APP: variants seen among roughly 807,000 people sequenced by gnomAD.
APP encodes amyloid beta precursor protein, also known as amyloid-beta precursor protein.
In APP, 31 loss-of-function variants were observed where a neutral mutation model predicts 101.4. The observed-to-expected ratio is 0.31, with a 90% confidence interval of 0.23 to 0.41. APP has a LOEUF of 0.41. Among genes scored for constraint, APP ranks in the 10% least tolerant of loss-of-function variants. The pLI is 1.00. For synonymous variants in APP, 366 were observed against 364.4 expected, an observed-to-expected ratio of 1.00 and a Z score of -0.05; for missense variants, 839 against 1,003.7, an observed-to-expected ratio of 0.84 and a Z score of 2.22.
chr21:26,035,024 G>A (rs749985130), intron 5 of APP, among the ~76,000 whole-genome samples: 1 of 152,146 alleles, frequency 6.6e-6, no homozygotes, highest in Non-Finnish European at 1.5e-5. Context: ...GGTGGCTCAT[G>A]CCTGTAATTC....
intron 6 of APP, among the ~76,000 whole-genome samples, chr21:26,001,645 T>C (rs2043299488): frequency 6.6e-6 from 1 of 152,212 alleles, no homozygotes; most frequent in Admixed American, 6.5e-5. Flanking sequence ...ATTACCCTTG[T>C]ACCAGCACGC....
intron 1 of APP, among the ~76,000 whole-genome samples, chr21:26,139,137 G>C (rs977191448): frequency 6.6e-6 from 1 of 152,032 alleles, no homozygotes; most frequent in East Asian, 1.9e-4. Context: ...CATTACGTAA[G>C]GGATGAGAAA....
At chr21:26,170,780 G>A (rs145958140), upstream of APP, 266 of 761,408 alleles carry the variant, frequency 3.5e-4, 1 homozygote, top group African/African-American at 4.6e-3. Context: ...CGGAGCCCGA[G>A]CGCGGCGGCG....
At chr21:26,069,126 C>T (rs1002954190) in intron 3 of APP, among the ~76,000 whole-genome samples, 4 of 152,058 alleles carry the variant, frequency 2.6e-5, no homozygotes, top group Non-Finnish European at 4.4e-5. Flanking sequence ...GTTGTAGAAC[C>T]CAACCAATAT....
chr21:25,890,534 A>T (rs1180068160), intron 17 of APP, among the ~76,000 whole-genome samples: 2 of 152,128 alleles, frequency 1.3e-5, no homozygotes, highest in East Asian at 3.9e-4. Context: ...TGAGGTCAGG[A>T]GTTCGAGACC....
chr21:26,148,074 G>A (rs1569032934), intron 1 of APP, among the ~76,000 whole-genome samples: 1 of 152,202 alleles, frequency 6.6e-6, no homozygotes, highest in African/African-American at 2.4e-5. Flanking sequence ...GCAGGTTTTA[G>A]GAGAAGGATA....
At chr21:26,130,759 A>T (rs2062777967) in intron 1 of APP, among the ~76,000 whole-genome samples, 1 of 152,216 alleles carries the variant, frequency 6.6e-6, no homozygotes, top group Non-Finnish European at 1.5e-5. Context: ...CAACACCCAG[A>T]GACTTGACTT....
intron 1 of APP, among the ~76,000 whole-genome samples, chr21:26,150,626 T>TAGACAGAC (rs1555884295): frequency 2.0e-4 from 30 of 149,766 alleles, no homozygotes; most frequent in Non-Finnish European, 2.7e-4. Flanking sequence ...GACAGATAGA[T>TAGACAGAC]AGACAGACAG....
At chr21:25,998,652 C>T (rs1264576099) in intron 7 of APP, among the ~76,000 whole-genome samples, 2 of 152,096 alleles carry the variant, frequency 1.3e-5, no homozygotes, top group African/African-American at 2.4e-5. Context: ...GGCTGCCACC[C>T]TTGCAACACA....
intron 1 of APP, among the ~76,000 whole-genome samples, chr21:26,140,839 C>A (rs2063029716): frequency 6.6e-6 from 1 of 152,156 alleles, no homozygotes; most frequent in Non-Finnish European, 1.5e-5. Context: ...AGAAGTACTG[C>A]CAAACTTCAT....
At chr21:25,964,205 A>G (rs2146526346) in intron 11 of APP, among the ~76,000 whole-genome samples, 1 of 152,288 alleles carries the variant, frequency 6.6e-6, no homozygotes, top group African/African-American at 2.4e-5. Context: ...AGGAGCATCT[A>G]GGAGTCATCT....
chr21:26,130,305 G>GAT (rs1304847533), intron 1 of APP, among the ~76,000 whole-genome samples: 1 of 152,208 alleles, frequency 6.6e-6, no homozygotes, highest in African/African-American at 2.4e-5. Flanking sequence ...CAAGTTTTAA[G>GAT]ATATCTGTGA....
At chr21:26,095,090 C>T (rs185189356) in intron 2 of APP, among the ~76,000 whole-genome samples, 27 of 152,274 alleles carry the variant, frequency 1.8e-4, no homozygotes, top group East Asian at 5.8e-4. Context: ...GTGATCCACC[C>T]GCCTTGGCCT....
Position 25,881,597 on chromosome 21 carries a change from C to T in APP, c.*73G>A. 1 of 1,507,890 alleles carries T rather than the reference C, an allele frequency of 6.6e-7. No individual in the cohort carries two copies. The highest frequency in any genetic ancestry group is 1.1e-5 in the South Asian group (1 of 88,836). The allele number at this position is 1,507,890 out of a possible 1,614,324, so 93.4% of individuals were successfully genotyped here. A position where few individuals can be genotyped will look rare whatever the true frequency, so the allele number is the denominator to read the frequency against. On this transcript the variant is annotated 3_prime_UTR_variant, in exon 18 of 18. Transcript: ENST00000346798. The stretch of plus-strand genomic sequence containing the variant: ...CGGGTTTGTTTCTTCCCACATTATT[C>T]TATAAATGGACACCGATGGGTAGTG...
chr21:26,134,560 T>C (rs1044422942), intron 1 of APP, among the ~76,000 whole-genome samples: 1 of 152,238 alleles, frequency 6.6e-6, no homozygotes, highest in Non-Finnish European at 1.5e-5. Flanking sequence ...CGAGATTCCA[T>C]GCCCTTTCCT....
At chr21:26,159,453 A>C (rs2063445415) in intron 1 of APP, among the ~76,000 whole-genome samples, 1 of 152,248 alleles carries the variant, frequency 6.6e-6, no homozygotes, top group Non-Finnish European at 1.5e-5. Context: ...AAATGCCCTG[A>C]GAAAACTTGC....
At position 26,055,413 on chromosome 21, in the gene APP, T is replaced by TAAAAC. The variant is rs945143573; in HGVS notation, c.356-2070_356-2066dup. 1.1e-4 allele frequency among the ~76,000 whole-genome samples: 16 copies of TAAAAC among 152,166 alleles called. No individual in the cohort carries two copies. In the East Asian group the frequency reaches 1.2e-3, roughly 11 times the overall value. The stretch of plus-strand genomic sequence containing the variant: ...CATTTCTCTTTTACATAGAATGATA[T>TAAAAC]AAAACAAAACAAAACAAAACAAAAA... On this transcript the variant is annotated intron_variant, in intron 3 of 17. Transcript: ENST00000346798.
chr21:26,061,222 A>G (rs2046254335), intron 3 of APP, among the ~76,000 whole-genome samples: 1 of 152,212 alleles, frequency 6.6e-6, no homozygotes, highest in Admixed American at 6.5e-5. Context: ...CAGCTAGAAG[A>G]TGCTTTATAC....
At chr21:25,901,026 C>T (rs1318755227) in intron 15 of APP, among the ~76,000 whole-genome samples, 2 of 96,400 alleles carry the variant, frequency 2.1e-5, no homozygotes, top group Non-Finnish European at 3.8e-5. Context: ...CGGCCAGGTG[C>T]AGTGACTCAT....
Sources: allele counts gnomAD v4.1 joint callset (sites outside exome capture counted in the v4.1 genomes callset), GRCh38; gene constraint gnomAD v4.1.1; transcripts MANE v1.5; gene names NCBI Gene and HGNC (gene_info 2026-07-23, HGNC 2026-07-21).